TNRC6B: variants seen among roughly 807,000 people sequenced by gnomAD.
TNRC6B encodes trinucleotide repeat containing adaptor 6B, also known as trinucleotide repeat-containing gene 6B protein.
In TNRC6B, 52 loss-of-function variants were observed where a neutral mutation model predicts 203.6. The ratio of observed to expected loss-of-function variants is 0.26; its 90% CI spans 0.20 to 0.32. The LOEUF is 0.32. TNRC6B is among the 10% of genes least tolerant of loss of function. The probability of loss-of-function intolerance (pLI) is 1.00; values close to 1 mark genes in which losing one functional copy is unlikely to be tolerated. For synonymous variants in TNRC6B, 838 were observed against 845.7 expected, an observed-to-expected ratio of 0.99 and a Z score of 0.16; for missense variants, 1,923 against 2,286.2, an observed-to-expected ratio of 0.84 and a Z score of 3.24.
At chr22:40,103,405 C>T (rs543434992) in intron 1 of TNRC6B, among the ~76,000 whole-genome samples, 7 of 152,270 alleles carry the variant, frequency 4.6e-5, no homozygotes, top group African/African-American at 1.4e-4. Context: ...CAGGCAGCCC[C>T]TGAAAATTGA....
chr22:40,171,689 T>C (rs1169879899), intron 4 of TNRC6B, among the ~76,000 whole-genome samples: 1 of 152,152 alleles, frequency 6.6e-6, no homozygotes, highest in Non-Finnish European at 1.5e-5. Context: ...TGAAAACTCT[T>C]TTGTGACTTT....
intron 12 of TNRC6B, among the ~76,000 whole-genome samples, chr22:40,298,362 T>C (rs1272206284): frequency 6.6e-6 from 1 of 152,176 alleles, no homozygotes; most frequent in Non-Finnish European, 1.5e-5. Flanking sequence ...GGTGTTAGAC[T>C]ACTCTAGAAA....
At chr22:40,048,119 C>G (rs2067708323) in intron 1 of TNRC6B, among the ~76,000 whole-genome samples, 1 of 152,248 alleles carries the variant, frequency 6.6e-6, no homozygotes, top group Admixed American at 6.5e-5. Context: ...CTGTTCCTCT[C>G]ACTTCCAGAG....
At chr22:40,279,938 G>A (rs2070701840) in intron 9 of TNRC6B, 57 bp from the exon 10 acceptor site, 1 of 1,568,690 alleles carries the variant, frequency 6.4e-7, no homozygotes, top group Admixed American at 1.7e-5. Context: ...GTCACTCTTG[G>A]TTCATGGGGG....
chr22:40,071,304 C>A (rs942628684), intron 1 of TNRC6B, among the ~76,000 whole-genome samples: 2 of 152,162 alleles, frequency 1.3e-5, no homozygotes, highest in African/African-American at 4.8e-5. Context: ...CATAGTTCCC[C>A]TCTTCTCCTC....
chr22:40,163,549 G>A (rs909897499), intron 4 of TNRC6B, among the ~76,000 whole-genome samples: 1 of 145,100 alleles, frequency 6.9e-6, no homozygotes, highest in African/African-American at 2.6e-5. Flanking sequence ...GATCACCTGA[G>A]GTCAGGAGTT....
At chr22:40,045,444 C>G (rs990351167) in intron 1 of TNRC6B, 3 of 151,790 alleles carry the variant, frequency 2.0e-5, no homozygotes, top group Admixed American at 2.0e-4. Context: ...CTTCCCGTCT[C>G]CGGGGGGCCT....
chr22:40,217,406 C>T (rs2069649665), intron 1 of TNRC6B, among the ~76,000 whole-genome samples: 1 of 152,126 alleles, frequency 6.6e-6, no homozygotes, highest in Non-Finnish European at 1.5e-5. Context: ...GCCCAGGTCT[C>T]GTGGGGTGTC....
intron 1 of TNRC6B, among the ~76,000 whole-genome samples, chr22:40,201,908 T>A (rs1193556730): frequency 6.6e-6 from 1 of 152,128 alleles, no homozygotes; most frequent in Non-Finnish European, 1.5e-5. Flanking sequence ...TGCAACTATT[T>A]CAGAATCCGA....
At chr22:40,051,086 G>T (rs1486246716) in intron 1 of TNRC6B, among the ~76,000 whole-genome samples, 1 of 152,158 alleles carries the variant, frequency 6.6e-6, no homozygotes. Flanking sequence ...GCCTCCCAAA[G>T]TGCTGGGATT....
At chr22:40,259,903 T>C (rs947577007) in intron 3 of TNRC6B, among the ~76,000 whole-genome samples, 2 of 151,866 alleles carry the variant, frequency 1.3e-5, no homozygotes, top group Non-Finnish European at 2.9e-5. Flanking sequence ...CTGTCAGGCT[T>C]GATGATTATT....
intron 1 of TNRC6B, among the ~76,000 whole-genome samples, chr22:40,058,247 A>G (rs1490594329): frequency 6.6e-6 from 1 of 152,236 alleles, no homozygotes; most frequent in Non-Finnish European, 1.5e-5. Flanking sequence ...CAAAAACAAA[A>G]CATAAACGGT....
At chr22:40,055,029 T>C (rs971309227) in intron 1 of TNRC6B, among the ~76,000 whole-genome samples, 7 of 152,092 alleles carry the variant, frequency 4.6e-5, no homozygotes, top group African/African-American at 1.7e-4. Flanking sequence ...AGAACAAGAC[T>C]CCGTCTCCAA....
chr22:40,280,513 T>G (rs1226460828), intron 10 of TNRC6B, among the ~76,000 whole-genome samples: 1 of 152,280 alleles, frequency 6.6e-6, no homozygotes, highest in Non-Finnish European at 1.5e-5. Context: ...TCTTCTAGTT[T>G]TGAGATAACT....
rs183196377 is a variant in TNRC6B, at chr22:40,317,876, G to C, written c.4974+1864G>C. 2.2e-3 allele frequency among the ~76,000 whole-genome samples: 328 copies of C among 152,270 alleles called. 2 individuals are homozygous for C. The highest frequency in any genetic ancestry group is 6.8e-3 in the African/African-American group (282 of 41,552). On this transcript the variant is annotated intron_variant, in intron 21 of 22. Transcript: ENST00000454349. ...GGAGTCTGTTATGCCTCCTGTTTTT[G>C]ACATACAAAATGCATTCTCTGGCAT...
At position 40,089,036 on chromosome 22, in the gene TNRC6B, A is replaced by G. The variant is rs955889496; in HGVS notation, c.-120-28019A>G. Among the ~76,000 whole-genome samples, 5 of 152,324 alleles carry G rather than the reference A, an allele frequency of 3.3e-5. No homozygotes were observed. In the South Asian group the frequency reaches 1.0e-3, roughly 32 times the overall value. ...TCCTTCAACTGTACTCATGTGGAACATACCAGTGATCTTGTTAGTACTATT... is the reference window on the plus strand; with the variant it reads ...TCCTTCAACTGTACTCATGTGGAACGTACCAGTGATCTTGTTAGTACTATT... On this transcript the variant is annotated intron_variant, in intron 1 of 23. Transcript: ENST00000301923.
At chr22:40,227,885 A>T (rs2146445709) in intron 1 of TNRC6B, among the ~76,000 whole-genome samples, 1 of 152,330 alleles carries the variant, frequency 6.6e-6, no homozygotes, top group African/African-American at 2.4e-5. Context: ...TTTCTCCTGA[A>T]TAATATGTGC....
chr22:40,208,312 C>T (rs973232922), intron 1 of TNRC6B, among the ~76,000 whole-genome samples: 1 of 152,020 alleles, frequency 6.6e-6, no homozygotes, highest in African/African-American at 2.4e-5. Flanking sequence ...TGGTAACCTA[C>T]CCCACAGAAG....
chr22:40,085,249 G>A (rs539872042), intron 1 of TNRC6B, among the ~76,000 whole-genome samples: 57 of 152,214 alleles, frequency 3.7e-4, no homozygotes, highest in Non-Finnish European at 6.9e-4. Context: ...TATCCTGTGC[G>A]TCTCTCTAAA....
Sources: gnomAD v4.1 joint callset for allele counts (sites outside exome capture counted in the v4.1 genomes callset) on GRCh38, gnomAD v4.1.1 for gene constraint, MANE v1.5 for transcripts, NCBI Gene and HGNC (gene_info 2026-07-23, HGNC 2026-07-21) for gene names.